The following KCNQ3 variants were observed in gnomAD, a reference collection of about 807,000 sequenced individuals.
KCNQ3 encodes the protein potassium voltage-gated channel subfamily Q member 3.
In KCNQ3, 30 loss-of-function variants were observed where a neutral mutation model predicts 92.5. That is an observed-to-expected ratio of 0.32 (90% confidence interval 0.24 to 0.44). The LOEUF is 0.44. Among genes scored for constraint, KCNQ3 ranks in the 20% least tolerant of loss-of-function variants. The probability of loss-of-function intolerance (pLI) is 1.00; values close to 1 mark genes in which losing one functional copy is unlikely to be tolerated. For missense variants in KCNQ3, 913 were observed against 1,140.3 expected, an observed-to-expected ratio of 0.80 and a Z score of 2.87; for synonymous variants, 450 against 468.8, an observed-to-expected ratio of 0.96 and a Z score of 0.52.
chr8:132,156,463 C>T (rs766829139), intron 9 of KCNQ3, among the ~76,000 whole-genome samples: 9 of 152,048 alleles, frequency 5.9e-5, no homozygotes, highest in Non-Finnish European at 8.8e-5. Context: ...TATTTTTATT[C>T]CCTGGTTAAA....
intron 1 of KCNQ3, among the ~76,000 whole-genome samples, chr8:132,382,583 C>A (rs28568493): frequency 6.6e-6 from 1 of 152,156 alleles, no homozygotes; most frequent in Non-Finnish European, 1.5e-5. Context: ...CAGACTAAGA[C>A]AAATACTGTA....
chr8:132,404,784 G>A (rs1198878736), intron 1 of KCNQ3, among the ~76,000 whole-genome samples: 1 of 152,160 alleles, frequency 6.6e-6, no homozygotes, highest in African/African-American at 2.4e-5. Context: ...ACAAGGAGGG[G>A]ACTTAATAGT....
intron 1 of KCNQ3, among the ~76,000 whole-genome samples, chr8:132,429,457 A>T (rs1821191274): frequency 6.6e-6 from 1 of 152,208 alleles, no homozygotes; most frequent in Non-Finnish European, 1.5e-5. Flanking sequence ...ATCCACTCTG[A>T]GATTCCATCC....
intron 8 of KCNQ3, 138 bp downstream of exon 8, chr8:132,170,196 A>G: frequency 1.4e-6 from 1 of 719,266 alleles, no homozygotes; most frequent in Non-Finnish European, 2.5e-6. Flanking sequence ...CTACCAGATA[A>G]TTCTAGGGTG....
intron 9 of KCNQ3, among the ~76,000 whole-genome samples, chr8:132,154,828 G>A (rs1825756331): frequency 6.6e-6 from 1 of 152,128 alleles, no homozygotes; most frequent in African/African-American, 2.4e-5. Context: ...GTGCCTGCAT[G>A]CCTAATCTTT....
chr8:132,347,345 GTGATGATGA>G (rs1818719891), intron 1 of KCNQ3, among the ~76,000 whole-genome samples: 1 of 152,160 alleles, frequency 6.6e-6, no homozygotes, highest in African/African-American at 2.4e-5. Context: ...AATGATGACA[GTGATGATGA>G]TGGTGATGAT....
At chr8:132,286,350 C>T (rs1816679897) in intron 1 of KCNQ3, among the ~76,000 whole-genome samples, 1 of 152,234 alleles carries the variant, frequency 6.6e-6, no homozygotes, top group East Asian at 1.9e-4. Context: ...GGAGGCAACA[C>T]ATAGAGTGAA....
chr8:132,421,638 C>T (rs961146082), intron 1 of KCNQ3, among the ~76,000 whole-genome samples: 1 of 152,052 alleles, frequency 6.6e-6, no homozygotes, highest in Non-Finnish European at 1.5e-5. Flanking sequence ...TTAACCTCAA[C>T]TGGTGGTTCT....
chr8:132,130,055 T>C, intron 14 of KCNQ3, 59 bp from the exon 15 acceptor site: 10 of 1,575,252 alleles, frequency 6.3e-6, no homozygotes, highest in Non-Finnish European at 8.7e-6. Flanking sequence ...ATCGTTGCTA[T>C]TGGTTGGGAG....
intron 1 of KCNQ3, among the ~76,000 whole-genome samples, chr8:132,377,732 A>G (rs1458705665): frequency 2.0e-5 from 3 of 152,226 alleles, no homozygotes; most frequent in Non-Finnish European, 4.4e-5. Flanking sequence ...ATCTTCAAAT[A>G]TGGTAGTCCT....
chr8:132,410,852 T>C (rs1820633550), intron 1 of KCNQ3, among the ~76,000 whole-genome samples: 1 of 152,250 alleles, frequency 6.6e-6, no homozygotes, highest in Admixed American at 6.5e-5. Context: ...GGGACTCTGT[T>C]GCTTCTGTTT....
At chr8:132,198,253 C>T (rs1827361741) in intron 1 of KCNQ3, among the ~76,000 whole-genome samples, 1 of 152,150 alleles carries the variant, frequency 6.6e-6, no homozygotes. Flanking sequence ...TTTGGATGAG[C>T]CCCCAGCACT....
Position 132,480,916 on chromosome 8 carries a change from G to C in KCNQ3, c.-384C>G, listed in dbSNP as rs1241332857. ...GCGGCACCCAGGCCGGCGAGCCCAA[G>C]ACAGCATCGCAGTTTATTTACAAGC... On this transcript the variant is annotated 5_prime_UTR_variant, in exon 1 of 15. Coordinates refer to ENST00000388996, the MANE Select transcript of KCNQ3 (RefSeq NM_004519.4). 6.8e-6 allele frequency: 1 copy of C among 146,516 alleles called. No homozygotes were observed. The highest frequency in any genetic ancestry group is 2.5e-5 in the African/African-American group (1 of 39,740). 9.1% of individuals were successfully genotyped at this position (146,516 alleles called of 1,614,324 possible).
intron 1 of KCNQ3, among the ~76,000 whole-genome samples, chr8:132,381,490 G>T (rs1053272878): frequency 6.6e-6 from 1 of 152,042 alleles, no homozygotes; most frequent in Non-Finnish European, 1.5e-5. Context: ...GGAATTCTAG[G>T]GCTTCTGTAG....
chr8:132,400,199 C>T (rs1008820506), intron 1 of KCNQ3, among the ~76,000 whole-genome samples: 4 of 152,222 alleles, frequency 2.6e-5, no homozygotes, highest in African/African-American at 9.6e-5. Flanking sequence ...GTCTGTGTGC[C>T]TCTTGTCTGG....
rs777170111 is a variant in KCNQ3 at position 132,140,114 on chromosome 8, G to T, written c.1530C>A (p.Asp510Glu). The change falls in exon 11 of 15, where the codon GAC becomes GAA. Residue 510 changes from aspartate to glutamate, a missense_variant. By Grantham distance (45) the Asp-to-Glu change is conservative (BLOSUM62 2). Around this residue, in one of 6 missense-constraint regions of KCNQ3, gnomAD observed 182 missense variants for 234.5 expected, o/e 0.78. Transcript: ENST00000388996. The part of the protein sequence containing the change: ...RGYGNDFPIE[D>E]MIPTLKAAIR... ...TGGCGGCCTTCAGGGTGGGGATCAT[G>T]TCTTCGATGGGGAAGTCATTCCCAT... The T allele has an allele frequency of 1.9e-6, 3 of 1,610,620 alleles. No homozygotes were observed. Among genetic ancestry groups the T allele is most frequent in the Non-Finnish European group, 2.5e-6 (3 of 1,178,596 alleles).
chr8:132,133,244 C>T (rs372060574), intron 13 of KCNQ3, among the ~76,000 whole-genome samples: 14 of 152,042 alleles, frequency 9.2e-5, no homozygotes, highest in East Asian at 3.9e-4. Flanking sequence ...AGATGGGGCA[C>T]GCATTCTCCA....
At chr8:132,140,759 T>A (rs1454203854) in intron 10 of KCNQ3, 1 of 298,788 alleles carries the variant, frequency 3.3e-6, no homozygotes, top group Non-Finnish European at 6.4e-6. Flanking sequence ...GGCGCTTTTC[T>A]GCCACTCTTC....
chr8:132,415,647 G>A (rs1349679701), intron 1 of KCNQ3, among the ~76,000 whole-genome samples: 1 of 152,106 alleles, frequency 6.6e-6, no homozygotes, highest in Non-Finnish European at 1.5e-5. Context: ...GCAGCCCCAG[G>A]CTCTGGTGCT....
Sources: gnomAD v4.1 joint callset for allele counts (sites outside exome capture counted in the v4.1 genomes callset) on GRCh38, gnomAD v4.1.1 for gene constraint, gnomAD v4.1.1 regional missense constraint, MANE v1.5 for transcripts, NCBI Gene and HGNC (gene_info 2026-07-23, HGNC 2026-07-21) for gene names.